The following PLEKHG1 variants were observed in gnomAD, a reference collection of about 807,000 sequenced individuals.
PLEKHG1 encodes pleckstrin homology domain-containing family G member 1.
Under a neutral mutation model 100.8 loss-of-function variants are expected in PLEKHG1, and 44 were observed. The observed-to-expected ratio is 0.44, with a 90% CI of 0.34 to 0.56. PLEKHG1 has a LOEUF of 0.56. Among genes scored for constraint, PLEKHG1 ranks in the 20% least tolerant of loss-of-function variants. The pLI is 0.01. For synonymous variants in PLEKHG1, 640 were observed against 662.5 expected (o/e 0.97, Z 0.52); for missense variants, 1,545 against 1,720.9 (o/e 0.90, Z 1.81).
chr6:150,787,610 C>T (rs557529404), intron 4 of PLEKHG1, among the ~76,000 whole-genome samples: 6 of 152,324 alleles, frequency 3.9e-5, no homozygotes, highest in Non-Finnish European at 7.3e-5. Context: ...AATTAGCACA[C>T]GCGGAGTCCG....
intron 1 of PLEKHG1, among the ~76,000 whole-genome samples, chr6:150,733,153 G>A (rs1165987295): frequency 6.6e-5 from 10 of 152,250 alleles, no homozygotes; most frequent in South Asian, 2.1e-4. Flanking sequence ...TTTTAAGTTC[G>A]TTAAGAACCA....
At chr6:150,648,569 G>A (rs1027964682) in intron 2 of PLEKHG1, among the ~76,000 whole-genome samples, 4 of 152,052 alleles carry the variant, frequency 2.6e-5, no homozygotes, top group Non-Finnish European at 5.9e-5. Flanking sequence ...GAGATGTGTT[G>A]TATACTAGAA....
At chr6:150,785,382 A>G (rs1040142846) in intron 3 of PLEKHG1, among the ~76,000 whole-genome samples, 2 of 152,206 alleles carry the variant, frequency 1.3e-5, no homozygotes, top group African/African-American at 2.4e-5. Context: ...GTGGAGTGCA[A>G]TTTAGAAATG....
intron 1 of PLEKHG1, among the ~76,000 whole-genome samples, chr6:150,631,972 A>G (rs1241539234): frequency 6.6e-6 from 1 of 152,142 alleles, no homozygotes; most frequent in Non-Finnish European, 1.5e-5. Context: ...CAACCTGTCC[A>G]CCAGAGCTTC....
At chr6:150,715,720 G>A (rs1781402803) in intron 3 of PLEKHG1, among the ~76,000 whole-genome samples, 1 of 150,384 alleles carries the variant, frequency 6.6e-6, no homozygotes, top group Non-Finnish European at 1.5e-5. Flanking sequence ...CCTGACCTCA[G>A]GTGATCCACC....
At chr6:150,700,341 A>G (rs781129040) in intron 3 of PLEKHG1, among the ~76,000 whole-genome samples, 6 of 152,194 alleles carry the variant, frequency 3.9e-5, no homozygotes, top group Middle Eastern at 3.4e-3. Context: ...AGTAACATCA[A>G]CCATCTGCGA....
intron 12 of PLEKHG1, among the ~76,000 whole-genome samples, chr6:150,820,170 C>T (rs1356530097): frequency 6.6e-6 from 1 of 151,728 alleles, no homozygotes; most frequent in Non-Finnish European, 1.5e-5. Context: ...GATCGTGCCA[C>T]TGCACTCCAG....
At chr6:150,605,888 A>G (rs966976120) in intron 1 of PLEKHG1, 24 of 152,226 alleles carry the variant, frequency 1.6e-4, no homozygotes, top group African/African-American at 5.3e-4. Flanking sequence ...AGTGTGTTCT[A>G]GCATCAGTGA....
chr6:150,807,469 G>A (rs1282633664), intron 7 of PLEKHG1, among the ~76,000 whole-genome samples: 1 of 152,044 alleles, frequency 6.6e-6, no homozygotes, highest in African/African-American at 2.4e-5. Flanking sequence ...GTTGTCTTGT[G>A]GGTTCCTTAA....
chr6:150,615,667 G>A (rs1233384134), intron 1 of PLEKHG1, among the ~76,000 whole-genome samples: 5 of 152,184 alleles, frequency 3.3e-5, no homozygotes, highest in African/African-American at 4.8e-5. Flanking sequence ...TTCAGTGGCC[G>A]AGTCTACTAG....
At chr6:150,616,887 C>T (rs77848533) in intron 1 of PLEKHG1, among the ~76,000 whole-genome samples, 17,474 of 106,020 alleles carry the variant, frequency 0.16, 1,237 homozygotes, top group South Asian at 0.27. Flanking sequence ...ATTGAGGTTG[C>T]AGTATTCTCA....
At position 150,736,452 on chromosome 6, in the gene PLEKHG1, T is replaced by C. The variant is rs148129845; in HGVS notation, c.411+2360T>C. 6.7e-3 allele frequency among the ~76,000 whole-genome samples: 1,022 copies of C among 152,308 alleles called. 16 individuals are homozygous for C. The highest frequency in any genetic ancestry group is 0.023 in the African/African-American group (956 of 41,560). On this transcript the variant is annotated intron_variant, in intron 2 of 15. Coordinates refer to ENST00000358517, the Ensembl canonical transcript of PLEKHG1. Reference sequence around the variant, plus strand: ...AGAGTGATCACTGCATACACTATGTTTTACCTGAAGTCTTTCACAAAAATA... The same window carrying C: ...AGAGTGATCACTGCATACACTATGTCTTACCTGAAGTCTTTCACAAAAATA...
At chr6:150,723,060 A>C (rs565576460) in intron 1 of PLEKHG1, among the ~76,000 whole-genome samples, 1 of 152,306 alleles carries the variant, frequency 6.6e-6, no homozygotes, top group African/African-American at 2.4e-5. Context: ...CTGCTATTAG[A>C]GGGCCACTGC....
intron 3 of PLEKHG1, among the ~76,000 whole-genome samples, chr6:150,697,601 T>C (rs1186662561): frequency 1.3e-5 from 2 of 152,174 alleles, no homozygotes; most frequent in African/African-American, 4.8e-5. Context: ...AGAAGTTTGG[T>C]TGGTCATTCA....
intron 3 of PLEKHG1, among the ~76,000 whole-genome samples, chr6:150,783,438 C>T (rs1490652137): frequency 1.3e-5 from 2 of 151,172 alleles, no homozygotes; most frequent in African/African-American, 2.4e-5. Context: ...GGTGCAATCT[C>T]GGCTCACTGC....
At chr6:150,726,349 G>T (rs1393534188) in intron 1 of PLEKHG1, among the ~76,000 whole-genome samples, 1 of 152,056 alleles carries the variant, frequency 6.6e-6, no homozygotes, top group Non-Finnish European at 1.5e-5. Context: ...ATAGATTGTG[G>T]TGATAGTTTC....
intron 2 of PLEKHG1, among the ~76,000 whole-genome samples, chr6:150,748,349 T>C (rs1783280224): frequency 6.6e-6 from 1 of 152,204 alleles, no homozygotes; most frequent in Non-Finnish European, 1.5e-5. Flanking sequence ...CACACCAAGT[T>C]TTAGAACTGG....
At chr6:150,633,463 G>A (rs905166296) in intron 1 of PLEKHG1, among the ~76,000 whole-genome samples, 5 of 152,198 alleles carry the variant, frequency 3.3e-5, no homozygotes, top group South Asian at 2.1e-4. Flanking sequence ...TGAAGCTGGT[G>A]GGAATCAGGC....
chr6:150,770,137 T>C (rs890197244), intron 3 of PLEKHG1, among the ~76,000 whole-genome samples: 4 of 152,220 alleles, frequency 2.6e-5, no homozygotes, highest in African/African-American at 9.6e-5. Flanking sequence ...CCTACGATGC[T>C]CTTGATTTTG....
Sources: allele counts gnomAD v4.1 joint callset (sites outside exome capture counted in the v4.1 genomes callset), GRCh38; gene constraint gnomAD v4.1.1; transcripts MANE v1.5; gene names NCBI Gene and HGNC (gene_info 2026-07-23, HGNC 2026-07-21).